The following KLHL1 variants were observed in gnomAD, a reference collection of about 807,000 sequenced individuals.
The protein encoded by KLHL1 is kelch-like protein 1.
Under a neutral mutation model 77.7 loss-of-function variants are expected in KLHL1, and 47 were observed. The ratio of observed to expected loss-of-function variants is 0.60; its 90% CI spans 0.48 to 0.77. The LOEUF is 0.77. KLHL1 is among the 30% of genes least tolerant of loss of function. The pLI is 0.00. For synonymous variants in KLHL1, 360 were observed against 325.2 expected (o/e 1.11, Z -1.15); for missense variants, 925 against 910.8 (o/e 1.02, Z -0.20).
At chr13:69,912,699 G>A (rs1187907687) in intron 4 of KLHL1, among the ~76,000 whole-genome samples, 6 of 152,042 alleles carry the variant, frequency 3.9e-5, no homozygotes, top group Non-Finnish European at 8.8e-5. Flanking sequence ...GCTCCATTAG[G>A]CCAAGTCACC....
chr13:69,958,851 A>C (rs1883975954), intron 3 of KLHL1, among the ~76,000 whole-genome samples: 1 of 151,962 alleles, frequency 6.6e-6, no homozygotes, highest in Admixed American at 6.6e-5. Context: ...TTTAAAGAAA[A>C]GTCTTAGATA....
intron 9 of KLHL1, among the ~76,000 whole-genome samples, chr13:69,716,101 C>T (rs1485693041): frequency 6.6e-6 from 1 of 152,092 alleles, no homozygotes; most frequent in Non-Finnish European, 1.5e-5. Flanking sequence ...CAAATGATTA[C>T]ATTTGCCTTT....
chr13:70,058,943 G>A (rs572198728), intron 1 of KLHL1, among the ~76,000 whole-genome samples: 4 of 152,144 alleles, frequency 2.6e-5, no homozygotes, highest in African/African-American at 9.6e-5. Flanking sequence ...CAAAGGTGCC[G>A]ATAATATACA....
chr13:69,967,885 C>CAA (rs34910448), intron 2 of KLHL1, among the ~76,000 whole-genome samples: 2 of 135,208 alleles, frequency 1.5e-5, no homozygotes, highest in African/African-American at 5.4e-5. Context: ...GATGCTGAAT[C>CAA]AAAAAAAAAA....
At chr13:69,828,813 C>T (rs973870104) in intron 6 of KLHL1, among the ~76,000 whole-genome samples, 3 of 149,854 alleles carry the variant, frequency 2.0e-5, no homozygotes, top group South Asian at 2.1e-4. Flanking sequence ...ACCTGTATGA[C>T]GCAGCAGAAG....
At chr13:69,782,478 C>T (rs1876277486) in intron 7 of KLHL1, among the ~76,000 whole-genome samples, 1 of 152,222 alleles carries the variant, frequency 6.6e-6, no homozygotes, top group African/African-American at 2.4e-5. Flanking sequence ...CTGTGCTTTT[C>T]CAACGGGCTT....
intron 6 of KLHL1, among the ~76,000 whole-genome samples, chr13:69,835,099 G>A (rs1277597654): frequency 6.6e-6 from 1 of 152,018 alleles, no homozygotes; most frequent in Admixed American, 6.6e-5. Flanking sequence ...CAAAATGTTT[G>A]AAAAATTTCA....
In KLHL1 at chr13:69,999,613, C is replaced by A. The variant is rs2439679; in HGVS notation, c.498-23811G>T. 9.9e-3 allele frequency among the ~76,000 whole-genome samples: 1,506 copies of A among 152,130 alleles called. 25 individuals carry two copies. The highest frequency in any genetic ancestry group is 0.034 in the African/African-American group (1,419 of 41,524). On this transcript the variant is annotated intron_variant, in intron 1 of 10. Coordinates refer to ENST00000377844, the MANE Select transcript of KLHL1 (RefSeq NM_020866.3). ...AAGCAAAAATCAGGTTGTTTGTAAG[C>A]TGTAGCTAAAGAAGACTCTGTCTGG...
intron 9 of KLHL1, among the ~76,000 whole-genome samples, chr13:69,709,662 A>C (rs76462618): frequency 4.3e-4 from 2 of 4,678 alleles, no homozygotes; most frequent in East Asian, 0.25. Flanking sequence ...AAATAAAGTC[A>C]TTATTTTTGT....
At chr13:70,104,413 A>G (rs1887996753) in intron 1 of KLHL1, among the ~76,000 whole-genome samples, 1 of 152,074 alleles carries the variant, frequency 6.6e-6, no homozygotes, top group African/African-American at 2.4e-5. Flanking sequence ...TGATAATTTG[A>G]CCTTTCCAGA....
At chr13:70,092,336 T>C (rs918857276) in intron 1 of KLHL1, among the ~76,000 whole-genome samples, 1 of 152,188 alleles carries the variant, frequency 6.6e-6, no homozygotes, top group Non-Finnish European at 1.5e-5. Flanking sequence ...CTACGCTGAA[T>C]TCTACCTATA....
At chr13:69,756,385 T>C (rs1874738797) in intron 7 of KLHL1, among the ~76,000 whole-genome samples, 1 of 152,202 alleles carries the variant, frequency 6.6e-6, no homozygotes, top group Non-Finnish European at 1.5e-5. Context: ...CTGATCAATA[T>C]TTTATTGATT....
chr13:69,973,898 A>T (rs542862612), intron 2 of KLHL1, among the ~76,000 whole-genome samples: 16 of 152,130 alleles, frequency 1.1e-4, no homozygotes, highest in Middle Eastern at 3.4e-3. Context: ...AAACCAACTC[A>T]GAGTAATTTA....
intron 7 of KLHL1, among the ~76,000 whole-genome samples, chr13:69,776,147 C>T (rs1046082704): frequency 6.6e-6 from 1 of 151,380 alleles, no homozygotes; most frequent in African/African-American, 2.4e-5. Context: ...CAGAGTGAGA[C>T]TCCGTCTCGG....
intron 5 of KLHL1, among the ~76,000 whole-genome samples, chr13:69,845,427 T>G (rs1593881999): frequency 6.6e-6 from 1 of 151,796 alleles, no homozygotes; most frequent in Middle Eastern, 3.4e-3. Flanking sequence ...CTGCTGTACA[T>G]TTTAGTGTTA....
chr13:69,846,727 C>G (rs1879474923), intron 5 of KLHL1, among the ~76,000 whole-genome samples: 1 of 150,648 alleles, frequency 6.6e-6, no homozygotes, highest in South Asian at 2.1e-4. Context: ...ATACATTGAA[C>G]CACATGATCA....
intron 1 of KLHL1, among the ~76,000 whole-genome samples, chr13:70,075,200 C>T (rs1887233272): frequency 6.6e-6 from 1 of 151,768 alleles, no homozygotes. Context: ...GGGAGGCACA[C>T]TTTATTTTGT....
At chr13:70,090,076 A>G (rs9572363) in intron 1 of KLHL1, among the ~76,000 whole-genome samples, 21,453 of 152,078 alleles carry the variant, frequency 0.14, 2,566 homozygotes, top group African/African-American at 0.32. Flanking sequence ...CTCTGTTTTT[A>G]TATGGGAAAT....
intron 1 of KLHL1, among the ~76,000 whole-genome samples, chr13:70,006,709 G>A (rs945278612): frequency 2.6e-5 from 4 of 151,846 alleles, no homozygotes; most frequent in Non-Finnish European, 4.4e-5. Flanking sequence ...CAGTTTTAGG[G>A]AGAAAGATCC....
Sources: allele counts gnomAD v4.1 joint callset (sites outside exome capture counted in the v4.1 genomes callset), GRCh38; gene constraint gnomAD v4.1.1; transcripts MANE v1.5; gene names NCBI Gene and HGNC (gene_info 2026-07-23, HGNC 2026-07-21).